The following GNAO1 variants were observed in gnomAD, a reference collection of about 807,000 sequenced individuals.
GNAO1 encodes G protein subunit alpha o1, also known as guanine nucleotide-binding protein G(o) subunit alpha.
For synonymous variants in GNAO1, 164 were observed against 180.7 expected (o/e 0.91, Z 0.74); for missense variants, 166 against 478.7 (o/e 0.35, Z 6.10).
At chr16:56,194,735 C>A (rs1401722446) in intron 2 of GNAO1, among the ~76,000 whole-genome samples, 1 of 152,176 alleles carries the variant, frequency 6.6e-6, no homozygotes, top group African/African-American at 2.4e-5. Flanking sequence ...AACTTTGCAT[C>A]CGCCAAAGCA....
intron 3 of GNAO1, among the ~76,000 whole-genome samples, chr16:56,287,629 G>A (rs1471461140): frequency 6.6e-6 from 1 of 152,208 alleles, no homozygotes; most frequent in Non-Finnish European, 1.5e-5. Context: ...TGTGACAATT[G>A]TTTCAGAACC....
At chr16:56,276,128 C>T (rs1353818010) in intron 3 of GNAO1, 56 bp downstream of exon 3, 2 of 1,481,750 alleles carry the variant, frequency 1.3e-6, no homozygotes, top group Non-Finnish European at 1.9e-6. Flanking sequence ...TGTTACCCCA[C>T]TGCCTCCTCT....
intron 3 of GNAO1, among the ~76,000 whole-genome samples, chr16:56,279,169 G>A (rs149086402): frequency 9.3e-4 from 142 of 152,210 alleles, no homozygotes; most frequent in African/African-American, 2.6e-3. Context: ...ACAGAAAAGC[G>A]CCTAAGAGCT....
chr16:56,272,457 ACTTATAGGG>A, intron 2 of GNAO1, among the ~76,000 whole-genome samples: 1 of 152,330 alleles, frequency 6.6e-6, no homozygotes, highest in African/African-American at 2.4e-5. Flanking sequence ...AGTTTGAACA[ACTTATAGGG>A]CTAATCATGA....
At chr16:56,337,507 C>T (rs1199674439) in intron 6 of GNAO1, among the ~76,000 whole-genome samples, 1 of 152,224 alleles carries the variant, frequency 6.6e-6, no homozygotes, top group African/African-American at 2.4e-5. Context: ...CAGCCTAGGG[C>T]CTCAGTGAGG....
At chr16:56,211,671 T>TTG (rs2036389726) in intron 2 of GNAO1, among the ~76,000 whole-genome samples, 1 of 152,210 alleles carries the variant, frequency 6.6e-6, no homozygotes, top group Non-Finnish European at 1.5e-5. Flanking sequence ...GCATCTTGTT[T>TTG]CAGTCGCGAC....
At chr16:56,272,689 T>C (rs1370269353) in intron 2 of GNAO1, among the ~76,000 whole-genome samples, 1 of 152,236 alleles carries the variant, frequency 6.6e-6, no homozygotes, top group Non-Finnish European at 1.5e-5. Context: ...CAATTACTTA[T>C]TCTCTCTCAG....
chr16:56,204,131 A>G (rs1047177594), intron 2 of GNAO1, among the ~76,000 whole-genome samples: 1 of 152,024 alleles, frequency 6.6e-6, no homozygotes, highest in South Asian at 2.1e-4. Flanking sequence ...TGAGAAGGAG[A>G]GAGTATATCA....
intron 2 of GNAO1, among the ~76,000 whole-genome samples, chr16:56,267,439 T>C (rs1468386479): frequency 6.6e-6 from 1 of 152,206 alleles, no homozygotes; most frequent in Admixed American, 6.5e-5. Context: ...GTGAGCTGCC[T>C]TCATGCATTT....
At chr16:56,328,866 G>C in intron 4 of GNAO1, 75 bp downstream of exon 4, 1 of 1,463,644 alleles carries the variant, frequency 6.8e-7, no homozygotes, top group Non-Finnish European at 9.5e-7. Context: ...GATGGGGATT[G>C]GCAGAGCAAG....
intron 2 of GNAO1, among the ~76,000 whole-genome samples, chr16:56,227,454 T>C (rs543005433): frequency 1.1e-4 from 16 of 152,112 alleles, no homozygotes; most frequent in South Asian, 4.1e-4. Flanking sequence ...GGGGTGTGTT[T>C]GATTTGCACT....
Position 56,345,150 on chromosome 16 carries a change from CCGGTGA to C in GNAO1, c.724-6225_724-6220del, listed in dbSNP as rs1297135772. ...GCAGAAGGGGGCGGGGTAGCTTCTC[CCGGTGA>C]CGGTGACGCAGGTCTGGCTGGCCTT... is the stretch of plus-strand genomic sequence containing the variant. On this transcript the variant is annotated intron_variant, in intron 6 of 8. Coordinates refer to ENST00000262493, the MANE Select transcript of GNAO1 (RefSeq NM_020988.3). 5.7e-5 allele frequency: 56 copies of C among 985,892 alleles called. No individual in the cohort carries two copies. In the African/African-American group the frequency reaches 8.9e-4, roughly 16 times the overall value. The allele number at this position is 985,892 out of a possible 1,614,324, so 61.1% of individuals were successfully genotyped here.
At chr16:56,246,527 A>G (rs2036745799) in intron 2 of GNAO1, among the ~76,000 whole-genome samples, 1 of 152,320 alleles carries the variant, frequency 6.6e-6, no homozygotes, top group Non-Finnish European at 1.5e-5. Context: ...TCCTGGCTAA[A>G]GGCAGCTCAC....
At position 56,213,629 on chromosome 16, in the gene GNAO1, C is replaced by T. The variant is rs369055485; in HGVS notation, c.161+21013C>T. ...TTACAGGTGCACACCACCATGCATG[C>T]CTTGATATTACAGTTTTTTAAGTCG... On this transcript the variant is annotated intron_variant, in intron 2 of 8. Coordinates refer to ENST00000262493, the MANE Select transcript of GNAO1 (RefSeq NM_020988.3). 1.5e-3 allele frequency among the ~76,000 whole-genome samples: 230 copies of T among 152,094 alleles called. 3 individuals are homozygous for T. Among genetic ancestry groups the T allele is most frequent in the African/African-American group, 5.3e-3 (220 of 41,462 alleles).
chr16:56,346,208 C>T, intron 6 of GNAO1: 3 of 984,936 alleles, frequency 3.0e-6, no homozygotes, highest in Non-Finnish European at 3.6e-6. Context: ...GTGCATGACA[C>T]CTGTCATCCA....
intron 3 of GNAO1, 122 bp from the exon 4 acceptor site, chr16:56,328,509 C>T: frequency 1.0e-6 from 1 of 975,318 alleles, no homozygotes; most frequent in Non-Finnish European, 1.6e-6. Context: ...GTGGGCTGAG[C>T]TGCGGTCCTG....
At chr16:56,308,821 G>A (rs2037424969) in intron 3 of GNAO1, among the ~76,000 whole-genome samples, 1 of 152,104 alleles carries the variant, frequency 6.6e-6, no homozygotes, top group South Asian at 2.1e-4. Context: ...TGGAGAGGGA[G>A]GCAGCAAGAC....
Position 56,356,840 on chromosome 16 carries a change from C to T in GNAO1, c.*766C>T, listed in dbSNP as rs1236487132. 5 of 151,132 alleles carry T rather than the reference C, an allele frequency of 3.3e-5. No individual in the cohort carries two copies. Among genetic ancestry groups the T allele is most frequent in the Non-Finnish European group, 7.4e-5 (5 of 67,806 alleles). The allele number at this position is 151,132 out of a possible 1,614,324, so 9.4% of individuals were successfully genotyped here. On this transcript the variant is annotated 3_prime_UTR_variant, in exon 9 of 9. Coordinates refer to ENST00000262493, the MANE Select transcript of GNAO1 (RefSeq NM_020988.3). ...CGAGTACTATGTATTACCAGCCCCC[C>T]ACCCCACAGATCAGTTTTCCTAGTC... is the stretch of plus-strand genomic sequence containing the variant.
intron 2 of GNAO1, among the ~76,000 whole-genome samples, chr16:56,228,833 C>T (rs1596809309): frequency 6.6e-6 from 1 of 152,358 alleles, no homozygotes; most frequent in African/African-American, 2.4e-5. Context: ...ACCGCCCCTT[C>T]ACTTACCCTG....
Sources: gnomAD v4.1 joint callset for allele counts (sites outside exome capture counted in the v4.1 genomes callset) on GRCh38, gnomAD v4.1.1 for gene constraint, MANE v1.5 for transcripts, NCBI Gene and HGNC (gene_info 2026-07-23, HGNC 2026-07-21) for gene names.